The following TNFRSF10B variants were observed in gnomAD, a reference collection of about 807,000 sequenced individuals.
TNFRSF10B encodes tumor necrosis factor receptor superfamily member 10B.
TNFRSF10B carries 35 observed loss-of-function variants against 41.4 expected under a neutral mutation model. The observed-to-expected ratio is 0.85, with a 90% confidence interval of 0.65 to 1.12. The LOEUF is 1.12. Ranked by LOEUF, TNFRSF10B falls within the 50% of genes most tolerant of loss-of-function variation. The probability of loss-of-function intolerance (pLI) is 0.00; values close to 1 mark genes in which losing one functional copy is unlikely to be tolerated. For synonymous variants in TNFRSF10B, 230 were observed against 215.5 expected, an observed-to-expected ratio of 1.07 and a Z score of -0.59; for missense variants, 584 against 552.7, an observed-to-expected ratio of 1.06 and a Z score of -0.57.
In TNFRSF10B at chr8:23,029,694, G is replaced by A. The variant is rs759407943; in HGVS notation, c.392C>T (p.Thr131Met). 5.0e-6 allele frequency: 8 copies of A among 1,613,956 alleles called. No individual in the cohort carries two copies. The Admixed American group carries it at 5.0e-5, about 10-fold the overall frequency. ...SGEVELSPCT[T>M]TRNTVCQCEE... is the part of the protein sequence containing the mutation. ...GCACTGACACACTGTGTTTCTGGTC[G>A]TGGTGCAGGGACTTAGCTCCACTTC... Residue 131 changes from threonine to methionine, a missense_variant, in exon 4 of 9, where the codon ACG (threonine) becomes ATG (methionine). Coordinates refer to ENST00000276431, the MANE Select transcript of TNFRSF10B (RefSeq NM_003842.5).
At chr8:23,058,522 G>T (rs1282294286) in intron 1 of TNFRSF10B, among the ~76,000 whole-genome samples, 3 of 141,556 alleles carry the variant, frequency 2.1e-5, no homozygotes, top group Non-Finnish European at 3.1e-5. Flanking sequence ...TTTCACTCTT[G>T]TTGCCCAGGC....
At chr8:23,068,256 C>G (rs1432963373) in intron 1 of TNFRSF10B, 1 of 176,592 alleles carries the variant, frequency 5.7e-6, no homozygotes, top group Non-Finnish European at 1.2e-5. Flanking sequence ...GCCGCAGCGA[C>G]CACAGGGGAG....
chr8:23,040,904 T>C (rs1812176620), intron 2 of TNFRSF10B, among the ~76,000 whole-genome samples: 1 of 152,168 alleles, frequency 6.6e-6, no homozygotes, highest in Non-Finnish European at 1.5e-5. Context: ...GATTATTTAA[T>C]AATAGTGTTG....
intron 1 of TNFRSF10B, among the ~76,000 whole-genome samples, chr8:23,067,513 A>G (rs1813024576): frequency 6.6e-6 from 1 of 152,144 alleles, no homozygotes; most frequent in East Asian, 1.9e-4. Flanking sequence ...AAAAATCTTT[A>G]AAAGCAGCCA....
At chr8:23,053,818 G>A (rs1812588258) in intron 1 of TNFRSF10B, among the ~76,000 whole-genome samples, 1 of 152,204 alleles carries the variant, frequency 6.6e-6, no homozygotes, top group South Asian at 2.1e-4. Flanking sequence ...TATACAGGAA[G>A]CATTGTCAAA....
Position 23,020,806 on chromosome 8 carries a change from C to T in TNFRSF10B, c.*1865G>A, listed in dbSNP as rs984526547. 1 of 454,128 alleles carries T rather than the reference C, an allele frequency of 2.2e-6. No homozygotes were observed. Among genetic ancestry groups the T allele is most frequent in the South Asian group, 1.6e-5 (1 of 64,478 alleles). The allele number at this position is 454,128 out of a possible 1,614,324, so 28.1% of individuals were successfully genotyped here. On this transcript the variant is annotated 3_prime_UTR_variant, in exon 9 of 9. Transcript: ENST00000276431. ...AAGGGACCTGGGACCGGACTGGCACCTTCTGAGCCCTGAGGCTGAGCGTCC... is the reference window on the plus strand; with the variant it reads ...AAGGGACCTGGGACCGGACTGGCACTTTCTGAGCCCTGAGGCTGAGCGTCC...
chr8:23,046,633 A>AC (rs1441859205), intron 1 of TNFRSF10B, among the ~76,000 whole-genome samples: 9 of 147,422 alleles, frequency 6.1e-5, no homozygotes, highest in African/African-American at 2.3e-4. Context: ...AAAAAAAAAA[A>AC]ACACAAATAG....
chr8:23,051,550 T>C (rs1048909472), intron 1 of TNFRSF10B, among the ~76,000 whole-genome samples: 10 of 147,030 alleles, frequency 6.8e-5, no homozygotes, highest in African/African-American at 1.8e-4. Flanking sequence ...AAATACTCTT[T>C]TTTTTTTTTT....
At chr8:23,036,785 G>A (rs1349147211) in intron 2 of TNFRSF10B, among the ~76,000 whole-genome samples, 1 of 152,232 alleles carries the variant, frequency 6.6e-6, no homozygotes, top group African/African-American at 2.4e-5. Context: ...AGAGGTTGTA[G>A]TGAGCCGAGG....
At chr8:23,064,233 G>A (rs1370833526) in intron 1 of TNFRSF10B, among the ~76,000 whole-genome samples, 1 of 152,242 alleles carries the variant, frequency 6.6e-6, no homozygotes, top group African/African-American at 2.4e-5. Context: ...ATAGAGGAAA[G>A]AGTGCACACA....
In TNFRSF10B at chr8:23,059,392, C is replaced by T. The variant is rs7010920; in HGVS notation, c.144+9359G>A. Among the ~76,000 whole-genome samples the T allele has an allele frequency of 9.8e-3, 1,487 of 152,318 alleles. 30 individuals carry two copies. Among genetic ancestry groups the T allele is most frequent in the African/African-American group, 0.034 (1,408 of 41,564 alleles). ...GGATCATCTGCTAATCCTGTTTTTA[C>T]TTTTGAGGAACTATCATACTGTTTT... On this transcript the variant is annotated intron_variant, in intron 1 of 8. Coordinates refer to ENST00000276431, the MANE Select transcript of TNFRSF10B (RefSeq NM_003842.5).
At chr8:23,062,196 A>AT (rs1015611049) in intron 1 of TNFRSF10B, among the ~76,000 whole-genome samples, 2 of 151,488 alleles carry the variant, frequency 1.3e-5, no homozygotes, top group African/African-American at 2.4e-5. Flanking sequence ...GGTTTTGTGG[A>AT]TTTTCTCTAT....
At chr8:23,046,992 T>A (rs1351417694) in intron 1 of TNFRSF10B, among the ~76,000 whole-genome samples, 1 of 152,170 alleles carries the variant, frequency 6.6e-6, no homozygotes, top group East Asian at 1.9e-4. Context: ...GACCTTAAAC[T>A]ATTAAACTGC....
intron 1 of TNFRSF10B, among the ~76,000 whole-genome samples, chr8:23,065,439 T>C (rs948497802): frequency 6.6e-6 from 1 of 152,140 alleles, no homozygotes; most frequent in African/African-American, 2.4e-5. Flanking sequence ...AGAAGACATG[T>C]CCAGTGTCTG....
intron 2 of TNFRSF10B, among the ~76,000 whole-genome samples, chr8:23,034,976 CCT>C (rs1811989922): frequency 6.6e-6 from 1 of 152,128 alleles, no homozygotes; most frequent in South Asian, 2.1e-4. Context: ...TCCCTGGTAC[CCT>C]GGTATGCAGG....
intron 6 of TNFRSF10B, 151 bp from the exon 7 acceptor site, chr8:23,027,439 C>T: frequency 1.0e-6 from 1 of 994,626 alleles, no homozygotes; most frequent in South Asian, 1.4e-5. Context: ...CATCCAGGAC[C>T]CGCTGCTGGG....
intron 3 of TNFRSF10B, 123 bp downstream of exon 3, chr8:23,030,636 G>A: frequency 1.4e-6 from 1 of 736,292 alleles, no homozygotes; most frequent in South Asian, 1.5e-5. Context: ...CAAAATCATG[G>A]AACATGGTAT....
chr8:23,039,602 C>A (rs1812113033), intron 2 of TNFRSF10B, among the ~76,000 whole-genome samples: 1 of 152,186 alleles, frequency 6.6e-6, no homozygotes, highest in South Asian at 2.1e-4. Context: ...ACAACAAACA[C>A]ACCTTCACAG....
chr8:23,062,650 CCTT>C (rs773483990), intron 1 of TNFRSF10B, among the ~76,000 whole-genome samples: 13 of 152,240 alleles, frequency 8.5e-5, no homozygotes, highest in East Asian at 3.9e-4. Flanking sequence ...GATTTAAGAT[CCTT>C]CTTCTTTTTT....
Sources: gnomAD v4.1 joint callset for allele counts (sites outside exome capture counted in the v4.1 genomes callset) on GRCh38, gnomAD v4.1.1 for gene constraint, MANE v1.5 for transcripts, NCBI Gene and HGNC (gene_info 2026-07-23, HGNC 2026-07-21) for gene names.